The following NRG4 variants were observed in gnomAD, a reference collection of about 807,000 sequenced individuals.
NRG4 encodes neuregulin 4.
A neutral mutation model predicts 15.0 loss-of-function variants in NRG4; 10 were observed. The observed-to-expected ratio is 0.67, with a 90% confidence interval of 0.41 to 1.13. The LOEUF (loss-of-function observed/expected upper bound fraction) is 1.13, where lower values mean the gene tolerates loss of function less well. Ranked by LOEUF, NRG4 falls within the 50% of genes most tolerant of loss-of-function variation. The pLI, the probability that NRG4 is intolerant of heterozygous loss-of-function variation, is 0.00. For missense variants in NRG4, 139 were observed against 140.2 expected (o/e 0.99, Z 0.04); for synonymous variants, 41 against 50.1 (o/e 0.82, Z 0.77).
rs142508341 is a variant in NRG4 at position 75,947,357 on chromosome 15, C to A, written c.332-3703G>T. ...TTCCCACCTCCTCATGAGTAATAAT[C>A]TAAGACTCCCAGAAAGGGAGTCTCC... On this transcript the variant is annotated intron_variant, in intron 5 of 5. Transcript: ENST00000394907. Among the ~76,000 whole-genome samples the A allele has an allele frequency of 3.9e-3, 588 of 152,286 alleles. 2 individuals carry two copies. Among genetic ancestry groups the A allele is most frequent in the African/African-American group, 0.013 (561 of 41,556 alleles).
intron 5 of NRG4, among the ~76,000 whole-genome samples, chr15:75,946,922 G>C (rs1474372746): frequency 6.6e-6 from 1 of 152,148 alleles, no homozygotes; most frequent in Non-Finnish European, 1.5e-5. Context: ...TCCATTATAG[G>C]TATATACCAC....
chr15:75,955,882 A>C (rs371115401), intron 5 of NRG4, 50 bp downstream of exon 5: 3 of 1,050,360 alleles, frequency 2.9e-6, no homozygotes, highest in African/African-American at 1.6e-5. Flanking sequence ...TCTAACAACA[A>C]CAGTCTCATC....
At chr15:76,007,882 T>G (rs1209645031) in intron 3 of NRG4, among the ~76,000 whole-genome samples, 2 of 152,208 alleles carry the variant, frequency 1.3e-5, no homozygotes, top group African/African-American at 4.8e-5. Flanking sequence ...CCCAGCTATA[T>G]GACCTTTGGC....
intron 4 of NRG4, chr15:76,051,974 T>C (rs2036032132): frequency 6.6e-6 from 1 of 151,018 alleles, no homozygotes; most frequent in Non-Finnish European, 1.5e-5. Context: ...CCTTATTGTC[T>C]CTTAGTTAAA....
chr15:76,010,400 T>C (rs1188602356), intron 2 of NRG4, among the ~76,000 whole-genome samples: 1 of 152,142 alleles, frequency 6.6e-6, no homozygotes, highest in Non-Finnish European at 1.5e-5. Context: ...AAAAATTATC[T>C]AGCATTTATG....
chr15:76,050,419 T>C (rs1460273554), intron 4 of NRG4, among the ~76,000 whole-genome samples: 1 of 149,148 alleles, frequency 6.7e-6, no homozygotes, highest in Non-Finnish European at 1.5e-5. Context: ...AAAAGCATTA[T>C]TGTCACCCCG....
rs1196091273 is a variant in NRG4 at position 76,053,957 on chromosome 15, G to C, written c.-261-974C>G. On this transcript the variant is annotated intron_variant, in intron 2 of 8. Transcript: ENST00000563910. ...TGGCACGTGAACTGTGTAGCCAAAGGAATGGTTCTTCATAGAGTACATGCA... is the reference window on the plus strand; with the variant it reads ...TGGCACGTGAACTGTGTAGCCAAAGCAATGGTTCTTCATAGAGTACATGCA... Among the ~76,000 whole-genome samples the C allele has an allele frequency of 3.3e-5, 5 of 151,092 alleles. No homozygotes were observed. The East Asian group carries it at 9.6e-4, about 29-fold the overall frequency.
chr15:76,018,333 T>C (rs2035050220), intron 5 of NRG4, among the ~76,000 whole-genome samples: 1 of 152,210 alleles, frequency 6.6e-6, no homozygotes, highest in Non-Finnish European at 1.5e-5. Context: ...TTCTGTCGAT[T>C]TGTCAAACTC....
chr15:75,968,879 A>G (rs1361125113), intron 3 of NRG4, among the ~76,000 whole-genome samples: 1 of 152,234 alleles, frequency 6.6e-6, no homozygotes, highest in Non-Finnish European at 1.5e-5. Flanking sequence ...ATCTATACAT[A>G]GAAATTGCTA....
At chr15:75,963,511 G>A (rs2032635638) in intron 3 of NRG4, among the ~76,000 whole-genome samples, 1 of 152,092 alleles carries the variant, frequency 6.6e-6, no homozygotes, top group Non-Finnish European at 1.5e-5. Context: ...CGGGCATGGT[G>A]GCTCACGCTT....
intron 3 of NRG4, chr15:76,052,203 A>G (rs372476827): frequency 6.6e-6 from 1 of 151,338 alleles, no homozygotes; most frequent in African/African-American, 2.5e-5. Flanking sequence ...CAAGAACAGA[A>G]TATTTATATA....
chr15:76,033,492 C>G (rs1425536855), intron 5 of NRG4, among the ~76,000 whole-genome samples: 1 of 152,152 alleles, frequency 6.6e-6, no homozygotes, highest in Non-Finnish European at 1.5e-5. Context: ...GATATTGTAG[C>G]ATATAAAAGA....
At chr15:76,005,987 C>T (rs936387199) in intron 3 of NRG4, among the ~76,000 whole-genome samples, 1 of 152,080 alleles carries the variant, frequency 6.6e-6, no homozygotes, top group African/African-American at 2.4e-5. Flanking sequence ...GGTATTATTT[C>T]ATGAGTGGTA....
At chr15:76,012,461 C>T (rs887762099), upstream of NRG4, 1 of 152,172 alleles carries the variant, frequency 6.6e-6, no homozygotes, top group Non-Finnish European at 1.5e-5. Flanking sequence ...TGGGCGAGGT[C>T]ACGCCAGACC....
downstream of NRG4, chr15:75,939,367 G>GA (rs138001166): frequency 6.6e-6 from 1 of 151,962 alleles, no homozygotes; most frequent in Non-Finnish European, 1.5e-5. Context: ...GCTGAACTAT[G>GA]AAAAAAATTT....
intron 3 of NRG4, among the ~76,000 whole-genome samples, chr15:75,993,017 G>A (rs780375702): frequency 6.6e-6 from 1 of 151,686 alleles, no homozygotes; most frequent in Non-Finnish European, 1.5e-5. Flanking sequence ...TGGGTTCATA[G>A]TTTTTCCCTC....
chr15:76,007,878 T>C (rs1484471693), intron 3 of NRG4, among the ~76,000 whole-genome samples: 1 of 152,202 alleles, frequency 6.6e-6, no homozygotes, highest in African/African-American at 2.4e-5. Flanking sequence ...TCTTCCCAGC[T>C]ATATGACCTT....
chr15:75,997,593 G>A (rs1287894239), intron 3 of NRG4, among the ~76,000 whole-genome samples: 3 of 152,166 alleles, frequency 2.0e-5, no homozygotes, highest in Admixed American at 2.0e-4. Flanking sequence ...TCTGGGTACA[G>A]TGTGAGCATA....
intron 3 of NRG4, among the ~76,000 whole-genome samples, chr15:75,983,077 A>T (rs1246855280): frequency 6.6e-6 from 1 of 152,204 alleles, no homozygotes; most frequent in Non-Finnish European, 1.5e-5. Flanking sequence ...AACAATCCAA[A>T]ATCACCAAGT....
Sources: gnomAD v4.1 joint callset for allele counts (sites outside exome capture counted in the v4.1 genomes callset) on GRCh38, gnomAD v4.1.1 for gene constraint, MANE v1.5 for transcripts, NCBI Gene and HGNC (gene_info 2026-07-23, HGNC 2026-07-21) for gene names.